Variants in SRPK2 observed in about 807,000 individuals in gnomAD.
SRPK2 encodes SRSF protein kinase 2.
SRPK2 carries 21 observed loss-of-function variants against 90.8 expected under a neutral mutation model. The ratio of observed to expected loss-of-function variants is 0.23; its 90% CI spans 0.16 to 0.33. The LOEUF (loss-of-function observed/expected upper bound fraction) is 0.33. Ranked by LOEUF, SRPK2 falls within the 10% of genes least tolerant of loss-of-function variation. The probability of loss-of-function intolerance (pLI) is 1.00; values close to 1 mark genes in which losing one functional copy is unlikely to be tolerated. For missense variants in SRPK2, 620 were observed against 869.0 expected (o/e 0.71, Z 3.60); for synonymous variants, 288 against 311.1 (o/e 0.93, Z 0.78).
chr7:105,129,882 G>C (rs1372396173), intron 13 of SRPK2, among the ~76,000 whole-genome samples: 1 of 152,110 alleles, frequency 6.6e-6, no homozygotes, highest in Non-Finnish European at 1.5e-5. Context: ...AATGTGACCA[G>C]TGCCGAAGAA....
intron 2 of SRPK2, among the ~76,000 whole-genome samples, chr7:105,222,123 A>G (rs1275439487): frequency 6.6e-6 from 1 of 152,228 alleles, no homozygotes; most frequent in African/African-American, 2.4e-5. Flanking sequence ...TTAATCATGC[A>G]TCTTTGTCTA....
chr7:105,171,916 G>C (rs1585044293), intron 3 of SRPK2, among the ~76,000 whole-genome samples: 1 of 151,814 alleles, frequency 6.6e-6, no homozygotes, highest in East Asian at 1.9e-4. Context: ...TATATTTTTT[G>C]AGACCGAGTT....
At chr7:105,319,904 T>C (rs1471089460) in intron 2 of SRPK2, among the ~76,000 whole-genome samples, 2 of 151,074 alleles carry the variant, frequency 1.3e-5, no homozygotes, top group African/African-American at 4.9e-5. Context: ...ACCACATAGC[T>C]GCACTGCAGT....
intron 3 of SRPK2, among the ~76,000 whole-genome samples, chr7:105,196,371 G>T (rs941141412): frequency 6.6e-6 from 1 of 152,182 alleles, no homozygotes; most frequent in Non-Finnish European, 1.5e-5. Flanking sequence ...AAGACCACAC[G>T]TCTATAAAAT....
At chr7:105,163,894 G>A (rs1808104318) in intron 6 of SRPK2, among the ~76,000 whole-genome samples, 2 of 152,180 alleles carry the variant, frequency 1.3e-5, no homozygotes, top group South Asian at 4.1e-4. Flanking sequence ...TTCACGACTG[G>A]TTCAACTTAT....
At chr7:105,302,170 G>A in intron 2 of SRPK2, 1 of 949,904 alleles carries the variant, frequency 1.1e-6, no homozygotes, top group East Asian at 2.4e-5. Context: ...TTCTGGTATT[G>A]AGGTGGCTTT....
intron 2 of SRPK2, among the ~76,000 whole-genome samples, chr7:105,378,571 T>C (rs972426760): frequency 6.6e-6 from 1 of 152,070 alleles, no homozygotes; most frequent in African/African-American, 2.4e-5. Flanking sequence ...AAGACCATCC[T>C]GGCCAACATG....
chr7:105,359,211 T>C (rs1312774109), intron 2 of SRPK2, among the ~76,000 whole-genome samples: 1 of 132,522 alleles, frequency 7.5e-6, no homozygotes, highest in Non-Finnish European at 1.5e-5. Context: ...CAGGCTGGAG[T>C]GCAATGGCGC....
chr7:105,297,074 T>TCA (rs912963735), intron 2 of SRPK2, among the ~76,000 whole-genome samples: 4 of 152,152 alleles, frequency 2.6e-5, no homozygotes, highest in African/African-American at 9.7e-5. Context: ...TGAACTCCCC[T>TCA]CACCCATCTA....
intron 2 of SRPK2, among the ~76,000 whole-genome samples, chr7:105,384,823 G>A (rs556450846): frequency 1.0e-3 from 156 of 151,728 alleles, no homozygotes; most frequent in African/African-American, 3.5e-3. Flanking sequence ...CACTACTGCA[G>A]GCCACTTCTG....
intron 2 of SRPK2, among the ~76,000 whole-genome samples, chr7:105,339,847 C>T (rs1815533405): frequency 6.6e-6 from 1 of 152,150 alleles, no homozygotes; most frequent in African/African-American, 2.4e-5. Context: ...GATCACTTGG[C>T]AGCTGTTTGA....
rs192631802 is a variant in SRPK2 at position 105,161,215 on chromosome 7, G to A, written c.515-602C>T. On this transcript the variant is annotated intron_variant, in intron 6 of 15. Transcript: ENST00000393651. ...GCTGGGATTACAGGCATGAGCCACC[G>A]TGCCCAGCCCATATACTTTATTTAA... is the stretch of plus-strand genomic sequence containing the variant. Among the ~76,000 whole-genome samples the A allele has an allele frequency of 5.9e-5, 9 of 152,064 alleles. No homozygotes were observed. The East Asian group carries it at 7.7e-4, about 13-fold the overall frequency.
At chr7:105,347,062 C>CTTT (rs540861532) in intron 2 of SRPK2, among the ~76,000 whole-genome samples, 1 of 140,270 alleles carries the variant, frequency 7.1e-6, no homozygotes, top group East Asian at 2.1e-4. Flanking sequence ...GATAGACTGG[C>CTTT]TTTTTTTTTT....
chr7:105,349,758 G>T (rs1191835709), intron 2 of SRPK2, among the ~76,000 whole-genome samples: 1 of 150,422 alleles, frequency 6.6e-6, no homozygotes, highest in Non-Finnish European at 1.5e-5. Context: ...CTTTTTTTTT[G>T]AGCTGGAGTC....
intron 2 of SRPK2, among the ~76,000 whole-genome samples, chr7:105,281,807 G>T (rs1358955073): frequency 6.6e-6 from 1 of 152,132 alleles, no homozygotes; most frequent in African/African-American, 2.4e-5. Context: ...TGAAAGAAAT[G>T]AAAGACCTGA....
At chr7:105,185,055 T>C (rs1330054989) in intron 3 of SRPK2, among the ~76,000 whole-genome samples, 3 of 152,104 alleles carry the variant, frequency 2.0e-5, no homozygotes, top group Non-Finnish European at 4.4e-5. Context: ...TTGGACATTG[T>C]TTGTATCTGT....
At position 105,191,008 on chromosome 7, in the gene SRPK2, T is replaced by C. The variant is rs574408335; in HGVS notation, c.229+12620A>G. On this transcript the variant is annotated intron_variant, in intron 3 of 15. Coordinates refer to ENST00000393651, the MANE Select transcript of SRPK2 (RefSeq NM_182692.3). ...ATATATGTTACACTATTTTTTTCTA[T>C]AAGGAATTGAGGCAGCTTATAAAAC... 5.9e-5 allele frequency among the ~76,000 whole-genome samples: 9 copies of C among 152,256 alleles called. No individual in the cohort carries two copies. In the East Asian group the frequency reaches 1.3e-3, roughly 23 times the overall value.
intron 9 of SRPK2, chr7:105,143,624 T>C (rs1312331186): frequency 1.1e-5 from 4 of 356,686 alleles, no homozygotes; most frequent in Non-Finnish European, 2.0e-5. Context: ...AAGTTCGAAA[T>C]TCTCTTGGCC....
At chr7:105,339,378 T>C (rs1815480095) in intron 2 of SRPK2, among the ~76,000 whole-genome samples, 2 of 152,228 alleles carry the variant, frequency 1.3e-5, no homozygotes, top group South Asian at 4.1e-4. Context: ...TTATTAATTA[T>C]CTGTGATCCA....
Sources: allele counts gnomAD v4.1 joint callset (sites outside exome capture counted in the v4.1 genomes callset), GRCh38; gene constraint gnomAD v4.1.1; transcripts MANE v1.5; gene names NCBI Gene and HGNC (gene_info 2026-07-23, HGNC 2026-07-21).